GRB2: variants seen among roughly 807,000 people sequenced by gnomAD.
GRB2 encodes the protein growth factor receptor bound protein 2.
GRB2 carries 2 observed loss-of-function variants against 27.4 expected under a neutral mutation model. That is an observed-to-expected ratio of 0.07 (90% CI 0.03 to 0.23). The LOEUF is 0.23. GRB2 is among the 10% of genes least tolerant of loss of function. The probability of loss-of-function intolerance (pLI) is 1.00; values close to 1 mark genes in which losing one functional copy is unlikely to be tolerated. For synonymous variants in GRB2, 94 were observed against 99.6 expected (o/e 0.94, Z 0.33); for missense variants, 102 against 282.4 (o/e 0.36, Z 4.58).
intron 3 of GRB2, among the ~76,000 whole-genome samples, chr17:75,329,701 C>T (rs543420357): frequency 7.2e-5 from 11 of 151,826 alleles, no homozygotes; most frequent in Non-Finnish European, 1.5e-4. Context: ...AAGACCAGCC[C>T]GGGCAACACA....
At chr17:75,335,486 CA>C (rs2078570954) in intron 2 of GRB2, among the ~76,000 whole-genome samples, 1 of 152,092 alleles carries the variant, frequency 6.6e-6, no homozygotes, top group Non-Finnish European at 1.5e-5. Context: ...AAGTGAGATG[CA>C]ATAGAAAGGG....
At chr17:75,347,413 C>T (rs932048526) in intron 2 of GRB2, among the ~76,000 whole-genome samples, 1 of 152,150 alleles carries the variant, frequency 6.6e-6, no homozygotes, top group Non-Finnish European at 1.5e-5. Flanking sequence ...CACTGCCATG[C>T]CCATCTTTGA....
intron 3 of GRB2, 106 bp downstream of exon 3, chr17:75,332,594 G>A (rs558327112): frequency 1.5e-5 from 10 of 680,668 alleles, no homozygotes; most frequent in Admixed American, 8.4e-5. Flanking sequence ...CCCTAGAAAC[G>A]TGAATAAAAA....
At position 75,321,830 on chromosome 17, in the gene GRB2, G is replaced by A. The variant is rs987077466; in HGVS notation, c.300-3C>T. On this transcript the variant is annotated splice_polypyrimidine_tract_variant and splice_region_variant and intron_variant, in intron 4 of 5. Transcript: ENST00000316804. The stretch of plus-strand genomic sequence containing the variant: ...AGTGCTGCACATCGTTTCCAAACCT[G>A]GGAGGGACAGAAAGCACATGTGACC... 7 of 1,613,140 alleles carry A rather than the reference G, an allele frequency of 4.3e-6. No homozygotes were observed. In the Admixed American group the frequency reaches 1.2e-4, roughly 27 times the overall value.
At chr17:75,363,463 CA>C (rs1205476714) in intron 2 of GRB2, among the ~76,000 whole-genome samples, 1 of 152,054 alleles carries the variant, frequency 6.6e-6, no homozygotes, top group Admixed American at 6.6e-5. Flanking sequence ...TTCAGGAAAC[CA>C]AAAGTACAAC....
intron 3 of GRB2, among the ~76,000 whole-genome samples, chr17:75,329,753 A>C (rs2078526493): frequency 6.6e-6 from 1 of 152,122 alleles, no homozygotes; most frequent in African/African-American, 2.4e-5. Context: ...TTAGCCAGGC[A>C]TAGTGGTGCA....
At chr17:75,401,964 T>G (rs2079066866) in intron 1 of GRB2, among the ~76,000 whole-genome samples, 1 of 152,212 alleles carries the variant, frequency 6.6e-6, no homozygotes, top group Admixed American at 6.5e-5. Context: ...AATGTGGAGC[T>G]TCCATCTGCA....
At chr17:75,354,953 A>C (rs2078721835) in intron 2 of GRB2, among the ~76,000 whole-genome samples, 1 of 152,172 alleles carries the variant, frequency 6.6e-6, no homozygotes, top group African/African-American at 2.4e-5. Context: ...GATTACAGGC[A>C]CATGCCAACA....
rs8079197 is a variant in GRB2 at position 75,320,598 on chromosome 17, G to C, written c.469-45C>G. ...AAAACCCACATTGCATTCCTGGTCT[G>C]TGACTGGCCACCTCCGAGGCCAGAT... On this transcript the variant is annotated intron_variant, in intron 5 of 5. Coordinates refer to ENST00000316804, the MANE Select transcript of GRB2 (RefSeq NM_002086.5). The surrounding 1 kb of genome is among the most constrained non-coding windows in gnomAD (Gnocchi z 4.3). 1,114,741 of 1,532,374 alleles carry C rather than the reference G, an allele frequency of 0.73. 420,294 individuals are homozygous for C. The highest frequency in any genetic ancestry group is 0.9 in the East Asian group (39,525 of 44,072). The allele number at this position is 1,532,374 out of a possible 1,614,324, so 94.9% of individuals were successfully genotyped here.
intron 2 of GRB2, among the ~76,000 whole-genome samples, chr17:75,335,130 G>C (rs1171269587): frequency 3.9e-5 from 6 of 152,140 alleles, no homozygotes; most frequent in African/African-American, 1.4e-4. Flanking sequence ...ATGTTGGATT[G>C]CAACTGGCCG....
intron 2 of GRB2, among the ~76,000 whole-genome samples, chr17:75,367,546 AT>A (rs746256419): frequency 6.6e-6 from 1 of 152,224 alleles, no homozygotes; most frequent in Non-Finnish European, 1.5e-5. Context: ...GAAGTGACTC[AT>A]GTTTCTCAAG....
chr17:75,401,023 T>C lies in GRB2; in HGVS notation c.-138+4466A>G, dbSNP rs1388042132. Among the ~76,000 whole-genome samples the C allele has an allele frequency of 4.0e-5, 6 of 150,942 alleles. No individual in the cohort carries two copies. The East Asian group carries it at 5.9e-4, about 15-fold the overall frequency. ...TGTCGCCCAGGCTAGAGTGCAGTGGTATGATCTCTGCTCAAAGCAACCTCC... is the reference window on the plus strand; with the variant it reads ...TGTCGCCCAGGCTAGAGTGCAGTGGCATGATCTCTGCTCAAAGCAACCTCC... On this transcript the variant is annotated intron_variant, in intron 1 of 5. Coordinates refer to ENST00000316804, the MANE Select transcript of GRB2 (RefSeq NM_002086.5).
intron 2 of GRB2, among the ~76,000 whole-genome samples, chr17:75,353,125 C>T (rs567531276): frequency 1.3e-3 from 191 of 148,078 alleles, no homozygotes; most frequent in African/African-American, 4.2e-3. Context: ...GCGGAGCTTG[C>T]AGTGAGCCGA....
chr17:75,337,489 C>T (rs1598223504), intron 2 of GRB2, among the ~76,000 whole-genome samples: 3 of 151,908 alleles, frequency 2.0e-5, no homozygotes, highest in African/African-American at 7.2e-5. Flanking sequence ...TGAGGCTGCA[C>T]CTACAAAGAT....
At chr17:75,321,633 T>G in intron 5 of GRB2, 26 bp downstream of exon 5, 1 of 1,608,574 alleles carries the variant, frequency 6.2e-7, no homozygotes, top group Non-Finnish European at 8.5e-7. Context: ...CTAAAAATGA[T>G]CCCATCTCAC....
At chr17:75,362,185 C>T (rs1363139620) in intron 2 of GRB2, among the ~76,000 whole-genome samples, 1 of 152,112 alleles carries the variant, frequency 6.6e-6, no homozygotes, top group East Asian at 1.9e-4. Flanking sequence ...ATACGTAGGT[C>T]CTACAGGTCC....
At chr17:75,343,165 C>G (rs2078632919) in intron 2 of GRB2, among the ~76,000 whole-genome samples, 2 of 150,866 alleles carry the variant, frequency 1.3e-5, no homozygotes, top group African/African-American at 4.9e-5. Context: ...AGGTGTAAGT[C>G]TGTTTCTACA....
intron 2 of GRB2, among the ~76,000 whole-genome samples, chr17:75,358,088 T>C (rs1598236143): frequency 6.6e-6 from 1 of 152,194 alleles, no homozygotes; most frequent in Non-Finnish European, 1.5e-5. Flanking sequence ...GAAATTACCA[T>C]TGATGTAATC....
intron 2 of GRB2, among the ~76,000 whole-genome samples, chr17:75,367,967 C>T (rs376158186): frequency 1.3e-5 from 2 of 152,072 alleles, no homozygotes; most frequent in African/African-American, 2.4e-5. Flanking sequence ...ACTGCAACCC[C>T]TGCCTCCCAA....
Sources: gnomAD v4.1 joint callset for allele counts (sites outside exome capture counted in the v4.1 genomes callset) on GRCh38, gnomAD v4.1.1 for gene constraint, Gnocchi (gnomAD v3.1) non-coding constraint, MANE v1.5 for transcripts, NCBI Gene and HGNC (gene_info 2026-07-23, HGNC 2026-07-21) for gene names.